Variants in MARCHF1 observed in about 807,000 individuals in gnomAD.
MARCHF1 encodes the protein E3 ubiquitin-protein ligase MARCHF1.
In MARCHF1, 40 loss-of-function variants were observed where a neutral mutation model predicts 54.2. That is an observed-to-expected ratio of 0.74 (90% CI 0.57 to 0.96). The LOEUF is 0.96. Ranked by LOEUF, MARCHF1 falls within the 40% of genes least tolerant of loss-of-function variation. The pLI is 0.00. For missense variants in MARCHF1, 586 were observed against 656.5 expected (o/e 0.89, Z 1.17); for synonymous variants, 236 against 236.3 (o/e 1.00, Z 0.01).
chr4:164,183,852 G>T (rs1730896729), intron 1 of MARCHF1, among the ~76,000 whole-genome samples: 1 of 152,160 alleles, frequency 6.6e-6, no homozygotes, highest in Admixed American at 6.6e-5. Flanking sequence ...TCAAGTCTAG[G>T]AGAGAAGAAA....
At chr4:164,130,650 A>G (rs367695904) in intron 1 of MARCHF1, among the ~76,000 whole-genome samples, 8 of 152,118 alleles carry the variant, frequency 5.3e-5, no homozygotes, top group South Asian at 2.1e-4. Context: ...ACACCCTGGG[A>G]GGTTTCACTC....
intron 3 of MARCHF1, among the ~76,000 whole-genome samples, chr4:163,932,025 G>A (rs1751688014): frequency 6.6e-6 from 1 of 151,682 alleles, no homozygotes; most frequent in African/African-American, 2.4e-5. Context: ...TAAAAGTTAT[G>A]TTTATACTAT....
chr4:164,176,968 C>CCATATATATATATATA (rs1201114627), intron 1 of MARCHF1, among the ~76,000 whole-genome samples: 2 of 43,342 alleles, frequency 4.6e-5, no homozygotes, highest in African/African-American at 2.1e-4. Flanking sequence ...CTCTCTCTCT[C>CCATATATATATATATA]TCTCTCTCTC....
intron 4 of MARCHF1, among the ~76,000 whole-genome samples, chr4:163,847,130 A>G (rs1290140537): frequency 6.6e-6 from 1 of 152,230 alleles, no homozygotes; most frequent in African/African-American, 2.4e-5. Flanking sequence ...TAGAACAAAT[A>G]AGGTGATAAT....
At chr4:163,943,501 C>A (rs774830685) in intron 3 of MARCHF1, among the ~76,000 whole-genome samples, 1 of 152,050 alleles carries the variant, frequency 6.6e-6, no homozygotes, top group African/African-American at 2.4e-5. Flanking sequence ...TGTAAGTGTG[C>A]AGCCTTATTT....
intron 5 of MARCHF1, among the ~76,000 whole-genome samples, chr4:163,695,879 G>C (rs1006175642): frequency 5.3e-5 from 8 of 152,102 alleles, no homozygotes; most frequent in African/African-American, 1.9e-4. Context: ...GAACCTATTT[G>C]TGAGTAATAT....
At chr4:164,366,893 CATT>C (rs1730895282) in intron 1 of MARCHF1, among the ~76,000 whole-genome samples, 1 of 147,030 alleles carries the variant, frequency 6.8e-6, no homozygotes, top group East Asian at 2.0e-4. Flanking sequence ...ATAATTTACT[CATT>C]ATTTATGTCA....
intron 1 of MARCHF1, among the ~76,000 whole-genome samples, chr4:164,368,226 A>C (rs754214365): frequency 6.6e-6 from 1 of 151,412 alleles, no homozygotes; most frequent in Non-Finnish European, 1.5e-5. Flanking sequence ...AATAAAAATA[A>C]TATCATATAA....
chr4:163,865,901 A>G (rs1402265304), intron 3 of MARCHF1, among the ~76,000 whole-genome samples: 1 of 151,702 alleles, frequency 6.6e-6, no homozygotes, highest in Non-Finnish European at 1.5e-5. Context: ...AAAGTCATCT[A>G]CAATTTTTCC....
At chr4:163,778,469 G>A (rs1474862016) in intron 4 of MARCHF1, among the ~76,000 whole-genome samples, 1 of 152,154 alleles carries the variant, frequency 6.6e-6, no homozygotes, top group Non-Finnish European at 1.5e-5. Context: ...AGCTAAGTGA[G>A]CATCTTTTAA....
chr4:164,197,592 T>A (rs575735956), intron 1 of MARCHF1: 1 of 1,613,244 alleles, frequency 6.2e-7, no homozygotes, highest in African/African-American at 1.3e-5. Context: ...GTTCTTCAAA[T>A]TCATCTGTGA....
chr4:164,150,961 G>T (rs1422312549), intron 1 of MARCHF1, among the ~76,000 whole-genome samples: 1 of 152,128 alleles, frequency 6.6e-6, no homozygotes, highest in Non-Finnish European at 1.5e-5. Context: ...AAGTGTCAGT[G>T]GTGGAGTGCT....
intron 1 of MARCHF1, among the ~76,000 whole-genome samples, chr4:164,251,611 G>A (rs17044801): frequency 0.12 from 17,602 of 152,120 alleles, 1,597 homozygotes; most frequent in African/African-American, 0.25. Context: ...TGATGATAAA[G>A]GCAAATTACT....
chr4:164,007,723 A>G (rs1330576963), intron 2 of MARCHF1, among the ~76,000 whole-genome samples: 1 of 147,636 alleles, frequency 6.8e-6, no homozygotes, highest in East Asian at 2.0e-4. Context: ...TCTATTTGTG[A>G]TCTAAGATAA....
At chr4:163,867,158 C>A (rs1750070463) in intron 3 of MARCHF1, among the ~76,000 whole-genome samples, 1 of 151,894 alleles carries the variant, frequency 6.6e-6, no homozygotes, top group African/African-American at 2.4e-5. Flanking sequence ...TTAGTGTAAA[C>A]CATCTAGGGA....
chr4:164,154,225 GA>G (rs1467274862), intron 1 of MARCHF1, among the ~76,000 whole-genome samples: 2 of 101,850 alleles, frequency 2.0e-5, no homozygotes, highest in African/African-American at 1.5e-4. Flanking sequence ...CCATTTAAAA[GA>G]AAAAGAAAAA....
chr4:163,872,690 CGTGT>C (rs1289616072), intron 3 of MARCHF1, among the ~76,000 whole-genome samples: 3 of 151,756 alleles, frequency 2.0e-5, no homozygotes, highest in Non-Finnish European at 4.4e-5. Context: ...TATGTGTGTG[CGTGT>C]GTGTATGTGT....
At chr4:163,594,124 G>A (rs1725536327) in intron 7 of MARCHF1, among the ~76,000 whole-genome samples, 1 of 152,114 alleles carries the variant, frequency 6.6e-6, no homozygotes, top group African/African-American at 2.4e-5. Context: ...GGGACCGGGG[G>A]AGGGTAGAAA....
In MARCHF1 at chr4:163,735,031, G is replaced by A. The variant is rs764409592; in HGVS notation, c.112-34168C>T. Among the ~76,000 whole-genome samples the A allele has an allele frequency of 1.6e-4, 24 of 151,978 alleles. 1 individual carries two copies. Among genetic ancestry groups the A allele is most frequent in the Admixed American group, 1.1e-3 (17 of 15,260 alleles). On this transcript the variant is annotated intron_variant, in intron 4 of 9. Coordinates refer to ENST00000514618, the MANE Select transcript of MARCHF1 (RefSeq NM_001394959.1). ...TTCATCTAGTCTTCCTTTTGACACC[G>A]AACATAAGCATGTTCCTGGTCAAAA...
Sources: gnomAD v4.1 joint callset for allele counts (sites outside exome capture counted in the v4.1 genomes callset) on GRCh38, gnomAD v4.1.1 for gene constraint, MANE v1.5 for transcripts, NCBI Gene and HGNC (gene_info 2026-07-23, HGNC 2026-07-21) for gene names.